Variants in ABLIM3 observed in about 807,000 individuals in gnomAD.
The protein encoded by ABLIM3 is actin binding LIM protein family member 3.
Under a neutral mutation model 109.5 loss-of-function variants are expected in ABLIM3, and 61 were observed. The observed-to-expected ratio is 0.56, with a 90% CI of 0.45 to 0.69. The LOEUF (loss-of-function observed/expected upper bound fraction) is 0.69. ABLIM3 is among the 30% of genes least tolerant of loss of function. The pLI is 0.00. For missense variants in ABLIM3, 796 were observed against 889.5 expected, an observed-to-expected ratio of 0.89 and a Z score of 1.34; for synonymous variants, 300 against 324.8, an observed-to-expected ratio of 0.92 and a Z score of 0.82.
At position 149,200,828 on chromosome 5, in the gene ABLIM3, G is replaced by A. The variant is rs78346815; in HGVS notation, c.448+400G>A. Among the ~76,000 whole-genome samples the A allele has an allele frequency of 6.4e-3, 977 of 152,250 alleles. 11 individuals are homozygous for A. The highest frequency in any genetic ancestry group is 0.022 in the African/African-American group (925 of 41,552). ...TGGCTTACAGAAGAGGTAGTATGGG[G>A]TGCCCTGGGAGCAAACCACAAGAGC... On this transcript the variant is annotated intron_variant, in intron 5 of 23. Transcript: ENST00000309868.
intron 20 of ABLIM3, among the ~76,000 whole-genome samples, chr5:149,251,128 A>G (rs928204613): frequency 6.6e-6 from 1 of 152,248 alleles, no homozygotes; most frequent in Non-Finnish European, 1.5e-5. Flanking sequence ...AATGAAAGAA[A>G]GCATGAAGTG....
intron 2 of ABLIM3, among the ~76,000 whole-genome samples, chr5:149,169,525 C>T (rs748635821): frequency 1.3e-4 from 20 of 152,124 alleles, no homozygotes; most frequent in African/African-American, 4.6e-4. Flanking sequence ...AGCAAAGGAA[C>T]GAGATTACTG....
intron 3 of ABLIM3, among the ~76,000 whole-genome samples, chr5:149,187,776 T>G (rs1254588069): frequency 6.6e-6 from 1 of 152,192 alleles, no homozygotes; most frequent in African/African-American, 2.4e-5. Flanking sequence ...TCATTCAGAT[T>G]ACCTGCTACC....
intron 2 of ABLIM3, among the ~76,000 whole-genome samples, chr5:149,154,842 A>C (rs1360404657): frequency 6.6e-6 from 1 of 152,246 alleles, no homozygotes; most frequent in African/African-American, 2.4e-5. Flanking sequence ...ATGATCACTT[A>C]TAAAAGCATT....
intron 2 of ABLIM3, among the ~76,000 whole-genome samples, chr5:149,171,753 C>T (rs1239679127): frequency 1.3e-5 from 2 of 152,190 alleles, no homozygotes; most frequent in African/African-American, 4.8e-5. Flanking sequence ...CTTTAGTGAC[C>T]ACTGACAGAC....
chr5:149,251,356 C>T lies in ABLIM3; in HGVS notation c.1789-3C>T. ...GCCAGCCGTGGTTCTGTCTCTTCTGCAGACACCCAGCGCAGACCTCTTCCA... is the reference window on the plus strand; with the variant it reads ...GCCAGCCGTGGTTCTGTCTCTTCTGTAGACACCCAGCGCAGACCTCTTCCA... On this transcript the variant is annotated splice_polypyrimidine_tract_variant and splice_region_variant and intron_variant, in intron 20 of 23. Coordinates refer to ENST00000309868, the MANE Select transcript of ABLIM3 (RefSeq NM_014945.5). 1 of 1,614,060 alleles carries T rather than the reference C, an allele frequency of 6.2e-7. No individual in the cohort carries two copies. Among genetic ancestry groups the T allele is most frequent in the Non-Finnish European group, 8.5e-7 (1 of 1,179,980 alleles).
intron 2 of ABLIM3, among the ~76,000 whole-genome samples, chr5:149,153,504 G>A (rs1753617724): frequency 6.6e-6 from 1 of 152,224 alleles, no homozygotes; most frequent in Non-Finnish European, 1.5e-5. Context: ...GAGCAGTACG[G>A]CCTACAGGAA....
At chr5:149,208,340 C>CT (rs890402419) in intron 6 of ABLIM3, among the ~76,000 whole-genome samples, 7 of 149,424 alleles carry the variant, frequency 4.7e-5, no homozygotes, top group Non-Finnish European at 1.0e-4. Context: ...CTTTCTCTAT[C>CT]TATCTTTTTG....
chr5:149,204,907 T>C (rs1758821613), intron 5 of ABLIM3, among the ~76,000 whole-genome samples: 1 of 152,236 alleles, frequency 6.6e-6, no homozygotes, highest in South Asian at 2.1e-4. Context: ...TTATCTCAGA[T>C]GTACCACTGA....
intron 2 of ABLIM3, among the ~76,000 whole-genome samples, chr5:149,151,878 AC>A (rs1276043470): frequency 6.6e-6 from 1 of 152,266 alleles, no homozygotes; most frequent in African/African-American, 2.4e-5. Context: ...TATTTACTGG[AC>A]ACCAGCTCTG....
rs527419137 is a variant in ABLIM3, at chr5:149,189,529, T to C, written c.151+5940T>C. On this transcript the variant is annotated intron_variant, in intron 3 of 23. Transcript: ENST00000309868. ...CATAATAAGAAGACAAATAACCTAA[T>C]TTCAAAATGGGCAAAGGATATGAAT... is the stretch of plus-strand genomic sequence containing the variant. Among the ~76,000 whole-genome samples, 17 of 152,264 alleles carry C rather than the reference T, an allele frequency of 1.1e-4. No individual in the cohort carries two copies. The South Asian group carries it at 3.3e-3, about 30-fold the overall frequency.
At chr5:149,153,199 C>T (rs1436255827) in intron 2 of ABLIM3, among the ~76,000 whole-genome samples, 3 of 152,094 alleles carry the variant, frequency 2.0e-5, no homozygotes, top group Admixed American at 1.3e-4. Context: ...CTTAAGAAAA[C>T]AAAAGCAAAA....
intron 2 of ABLIM3, among the ~76,000 whole-genome samples, chr5:149,164,744 G>A (rs904770858): frequency 1.4e-4 from 21 of 152,170 alleles, no homozygotes; most frequent in Non-Finnish European, 2.2e-4. Context: ...GAGGGGAGAA[G>A]CAGGAAGTAT....
chr5:149,147,133 G>T (rs1336032267), intron 2 of ABLIM3, among the ~76,000 whole-genome samples: 1 of 151,864 alleles, frequency 6.6e-6, no homozygotes, highest in African/African-American at 2.4e-5. Context: ...GTGTGTGTGT[G>T]TGTGCATGTC....
At chr5:149,174,984 G>A (rs1581048613) in intron 2 of ABLIM3, among the ~76,000 whole-genome samples, 1 of 152,318 alleles carries the variant, frequency 6.6e-6, no homozygotes, top group Non-Finnish European at 1.5e-5. Context: ...AGTTGTTTTA[G>A]CTATTTTTAC....
At chr5:149,165,748 A>G (rs546271809) in intron 2 of ABLIM3, among the ~76,000 whole-genome samples, 46 of 152,074 alleles carry the variant, frequency 3.0e-4, no homozygotes, top group African/African-American at 9.2e-4. Flanking sequence ...TTCACTACTC[A>G]TGTTTATTTC....
chr5:149,216,833 C>A, intron 7 of ABLIM3, 126 bp from the exon 8 acceptor site: 1 of 838,550 alleles, frequency 1.2e-6, no homozygotes, highest in Non-Finnish European at 1.9e-6. Context: ...TGGGTAGCTC[C>A]AACCAACTTT....
chr5:149,190,810 A>G (rs1757410680), intron 3 of ABLIM3, among the ~76,000 whole-genome samples: 1 of 150,656 alleles, frequency 6.6e-6, no homozygotes. Context: ...TGTAAGCAGA[A>G]GAAAAATGAT....
chr5:149,157,952 A>G (rs1405568778), intron 2 of ABLIM3, among the ~76,000 whole-genome samples: 1 of 152,202 alleles, frequency 6.6e-6, no homozygotes, highest in Non-Finnish European at 1.5e-5. Flanking sequence ...CTTTTTAAAA[A>G]GCATTATTTC....
Sources: gnomAD v4.1 joint callset for allele counts (sites outside exome capture counted in the v4.1 genomes callset) on GRCh38, gnomAD v4.1.1 for gene constraint, MANE v1.5 for transcripts, NCBI Gene and HGNC (gene_info 2026-07-23, HGNC 2026-07-21) for gene names.